MYO9A: variants seen among roughly 807,000 people sequenced by gnomAD.
The protein encoded by MYO9A is myosin IXA, also known as unconventional myosin-IXa.
MYO9A carries 103 observed loss-of-function variants against 293.3 expected under a neutral mutation model. The observed-to-expected ratio is 0.35, with a 90% CI of 0.30 to 0.41. The LOEUF is 0.41. Ranked by LOEUF, MYO9A falls within the 10% of genes least tolerant of loss-of-function variation. The pLI is 1.00. For missense variants in MYO9A, 2,685 were observed against 3,033.0 expected (o/e 0.89, Z 2.69); for synonymous variants, 1,001 against 1,035.7 (o/e 0.97, Z 0.64).
intron 10 of MYO9A, among the ~76,000 whole-genome samples, chr15:71,992,057 A>C (rs1161356492): frequency 6.6e-6 from 1 of 152,080 alleles, no homozygotes; most frequent in East Asian, 1.9e-4. Context: ...GCCCGGCCAG[A>C]ACATACGGTT....
chr15:71,861,679 T>TAAAAAAAAAAAAAAAAAAA (rs66598621), intron 33 of MYO9A, among the ~76,000 whole-genome samples: 1 of 82,930 alleles, frequency 1.2e-5, no homozygotes. Context: ...ACTGATGATA[T>TAAAAAAAAAAAAAAAAAAA]AAAAAAAAAA....
At chr15:71,915,955 G>C (rs1318103427) in intron 19 of MYO9A, among the ~76,000 whole-genome samples, 1 of 151,968 alleles carries the variant, frequency 6.6e-6, no homozygotes, top group East Asian at 1.9e-4. Context: ...TTATACAAAG[G>C]TAAAATAAAT....
chr15:72,034,955 C>G (rs1231827360), intron 2 of MYO9A, among the ~76,000 whole-genome samples: 1 of 152,148 alleles, frequency 6.6e-6, no homozygotes, highest in Non-Finnish European at 1.5e-5. Flanking sequence ...GGTAGGCTTG[C>G]AATAGTTACT....
At chr15:71,911,111 C>T (rs1314661238) in intron 19 of MYO9A, among the ~76,000 whole-genome samples, 1 of 152,158 alleles carries the variant, frequency 6.6e-6, no homozygotes, top group African/African-American at 2.4e-5. Context: ...AGGCAACTAC[C>T]AATCTGCTTC....
intron 4 of MYO9A, among the ~76,000 whole-genome samples, chr15:72,023,943 A>G (rs1018121897): frequency 7.2e-5 from 11 of 152,186 alleles, no homozygotes; most frequent in African/African-American, 2.7e-4. Context: ...AAGCACCAAG[A>G]GAGAAATTCC....
At position 71,847,729 on chromosome 15, in the gene MYO9A, T is replaced by G. The variant is rs541732251; in HGVS notation, c.6837+1116A>C. Among the ~76,000 whole-genome samples the G allele has an allele frequency of 5.3e-5, 8 of 152,328 alleles. No individual in the cohort carries two copies. The South Asian group carries it at 1.7e-3, about 32-fold the overall frequency. On this transcript the variant is annotated intron_variant, in intron 39 of 41. Transcript: ENST00000356056. Reference sequence around the variant, plus strand: ...TCATACTACAGAAATGTTTCACTTTTAAGTGGGATTTCTGTTTTTAATTTC... The same window carrying G: ...TCATACTACAGAAATGTTTCACTTTGAAGTGGGATTTCTGTTTTTAATTTC...
At chr15:71,966,443 C>T (rs759561399) in intron 13 of MYO9A, among the ~76,000 whole-genome samples, 1 of 152,066 alleles carries the variant, frequency 6.6e-6, no homozygotes, top group East Asian at 1.9e-4. Flanking sequence ...GCACTTTATG[C>T]ACAATATCCT....
intron 14 of MYO9A, among the ~76,000 whole-genome samples, chr15:71,956,798 GTATGCTATATATATATGCTATA>G (rs756158771): frequency 6.8e-6 from 1 of 146,264 alleles, no homozygotes; most frequent in Non-Finnish European, 1.5e-5. Flanking sequence ...ATGTATATAT[GTATGCTATATATATATGCTATA>G]TATGCTATAT....
intron 19 of MYO9A, among the ~76,000 whole-genome samples, chr15:71,909,315 A>G (rs2057766065): frequency 6.6e-6 from 1 of 152,232 alleles, no homozygotes; most frequent in Non-Finnish European, 1.5e-5. Context: ...ATAGTTTATA[A>G]GAAACTGTCA....
chr15:72,102,312 C>A (rs376258665), intron 1 of MYO9A, among the ~76,000 whole-genome samples: 1,924 of 150,156 alleles, frequency 0.013, 17 homozygotes, highest in African/African-American at 0.022. Context: ...GTCATCACCA[C>A]TCCCTAATCT....
At chr15:71,834,021 C>T (rs949224239) in intron 39 of MYO9A, among the ~76,000 whole-genome samples, 1 of 151,714 alleles carries the variant, frequency 6.6e-6, no homozygotes, top group Non-Finnish European at 1.5e-5. Flanking sequence ...AAGAAAAGAG[C>T]AAACAAACAT....
At chr15:72,065,708 C>CA (rs956880557) in intron 1 of MYO9A, among the ~76,000 whole-genome samples, 1 of 150,646 alleles carries the variant, frequency 6.6e-6, no homozygotes, top group African/African-American at 2.4e-5. Flanking sequence ...ATACACATAT[C>CA]AAAAAAAAGA....
At chr15:71,827,689 C>A (rs2140459772) in intron 41 of MYO9A, among the ~76,000 whole-genome samples, 195 bp downstream of exon 41, 1 of 152,132 alleles carries the variant, frequency 6.6e-6, no homozygotes, top group East Asian at 1.9e-4. Flanking sequence ...TATTTCTTAT[C>A]CCCATCCAGG....
intron 11 of MYO9A, among the ~76,000 whole-genome samples, chr15:71,986,973 G>A (rs2076422636): frequency 6.6e-6 from 1 of 152,040 alleles, no homozygotes; most frequent in Non-Finnish European, 1.5e-5. Flanking sequence ...CTCTAATCAT[G>A]GGAGGTGCCC....
At chr15:72,100,923 G>C (rs1213963806) in intron 1 of MYO9A, among the ~76,000 whole-genome samples, 1 of 140,434 alleles carries the variant, frequency 7.1e-6, no homozygotes, top group African/African-American at 2.6e-5. Flanking sequence ...GGAGGTGGGG[G>C]GGGTCAGCCC....
intron 18 of MYO9A, among the ~76,000 whole-genome samples, chr15:71,926,614 C>T (rs1046344820): frequency 2.6e-5 from 4 of 152,076 alleles, no homozygotes; most frequent in Admixed American, 6.6e-5. Context: ...GGCTAAGGCA[C>T]GAGAACTGAT....
intron 19 of MYO9A, 60 bp downstream of exon 19, chr15:71,916,310 T>A: frequency 6.4e-7 from 1 of 1,573,042 alleles, no homozygotes; most frequent in Non-Finnish European, 8.6e-7. Flanking sequence ...CACTTTAACC[T>A]TTCAATGACA....
intron 1 of MYO9A, among the ~76,000 whole-genome samples, chr15:72,094,740 C>T (rs1469448184): frequency 1.1e-5 from 1 of 91,368 alleles, no homozygotes; most frequent in African/African-American, 2.6e-5. Context: ...TCTCAAACTC[C>T]TGGCCTTAAA....
intron 9 of MYO9A, among the ~76,000 whole-genome samples, chr15:71,999,552 T>G (rs1421145827): frequency 1.3e-5 from 2 of 152,114 alleles, no homozygotes; most frequent in African/African-American, 4.8e-5. Context: ...GGGTCAAATA[T>G]TGCTCATTTA....
Sources: allele counts gnomAD v4.1 joint callset (sites outside exome capture counted in the v4.1 genomes callset), GRCh38; gene constraint gnomAD v4.1.1; transcripts MANE v1.5; gene names NCBI Gene and HGNC (gene_info 2026-07-23, HGNC 2026-07-21).